PHF20: variants seen among roughly 807,000 people sequenced by gnomAD.
PHF20 encodes PHD finger protein 20.
PHF20 carries 23 observed loss-of-function variants against 113.5 expected under a neutral mutation model. The observed-to-expected ratio is 0.20, with a 90% CI of 0.15 to 0.29. The LOEUF (loss-of-function observed/expected upper bound fraction) is 0.29, where lower values mean the gene tolerates loss of function less well. PHF20 is among the 10% of genes least tolerant of loss of function. The pLI is 1.00. For missense variants in PHF20, 943 were observed against 1,219.6 expected (o/e 0.77, Z 3.38); for synonymous variants, 434 against 457.3 (o/e 0.95, Z 0.65).
intron 1 of PHF20, among the ~76,000 whole-genome samples, chr20:35,779,015 G>GT (rs1282129677): frequency 1.9e-4 from 29 of 151,522 alleles, no homozygotes; most frequent in African/African-American, 6.6e-4. Flanking sequence ...TTAAACAAAG[G>GT]GTTTTTTTTT....
intron 2 of PHF20, among the ~76,000 whole-genome samples, chr20:35,808,845 T>C (rs2041929391): frequency 6.6e-6 from 1 of 151,748 alleles, no homozygotes; most frequent in South Asian, 2.1e-4. Flanking sequence ...GTGCTGGGAT[T>C]ACAGGCGTGA....
intron 10 of PHF20, among the ~76,000 whole-genome samples, chr20:35,900,009 C>A (rs2147058586): frequency 6.6e-6 from 1 of 152,294 alleles, no homozygotes; most frequent in South Asian, 2.1e-4. Context: ...GTTTTCCTTG[C>A]CAGCAGCACA....
At chr20:35,938,674 T>C (rs1233096880) in intron 15 of PHF20, 23 bp from the exon 16 acceptor site, 4 of 1,575,704 alleles carry the variant, frequency 2.5e-6, no homozygotes, top group South Asian at 1.2e-5. Context: ...CCAAAGCCCA[T>C]GTCCTCTTTG....
chr20:35,944,020 T>G (rs1236016479), intron 17 of PHF20, among the ~76,000 whole-genome samples: 6 of 152,226 alleles, frequency 3.9e-5, no homozygotes. Context: ...ATAAAAAATG[T>G]TGCCTTGGTG....
intron 13 of PHF20, among the ~76,000 whole-genome samples, chr20:35,918,939 C>G (rs1195515622): frequency 6.6e-6 from 1 of 152,168 alleles, no homozygotes; most frequent in South Asian, 2.1e-4. Context: ...CAGGCCCAGC[C>G]CCTTTGGCTT....
rs148984372 is a variant in PHF20 at position 35,815,908 on chromosome 20, A to G, written c.83+14303A>G. Reference sequence around the variant, plus strand: ...AAGCAAAATCGTTTTGGAAATACATATATATTCCCCCTCCAGCTTTATTGA... The same window carrying G: ...AAGCAAAATCGTTTTGGAAATACATGTATATTCCCCCTCCAGCTTTATTGA... On this transcript the variant is annotated intron_variant, in intron 2 of 17. Coordinates refer to ENST00000374012, the MANE Select transcript of PHF20 (RefSeq NM_016436.5). Among the ~76,000 whole-genome samples the G allele has an allele frequency of 1.6e-3, 246 of 152,172 alleles. 1 individual carries two copies. Among genetic ancestry groups the G allele is most frequent in the Middle Eastern group, 6.8e-3 (2 of 292 alleles).
intron 15 of PHF20, among the ~76,000 whole-genome samples, chr20:35,934,330 A>AC (rs1360564757): frequency 6.6e-6 from 1 of 151,936 alleles, no homozygotes; most frequent in African/African-American, 2.4e-5. Context: ...TATAACAAGG[A>AC]CCCCCCACAT....
intron 4 of PHF20, among the ~76,000 whole-genome samples, chr20:35,850,070 G>C (rs1168340435): frequency 6.6e-6 from 1 of 152,120 alleles, no homozygotes; most frequent in Admixed American, 6.6e-5. Flanking sequence ...GGCATATAAT[G>C]CCATATTATT....
rs181925877 is a variant in PHF20 at position 35,776,744 on chromosome 20, G to A, written c.-33+4665G>A. ...TGAGTGTCAGATCCTATTCAGTAAC[G>A]GATTTGATCTGGATTTGGCTCTAGT... On this transcript the variant is annotated intron_variant, in intron 1 of 17. Transcript: ENST00000374012. Among the ~76,000 whole-genome samples the A allele has an allele frequency of 1.3e-3, 197 of 152,194 alleles. 1 individual carries two copies. The highest frequency in any genetic ancestry group is 3.4e-3 in the Middle Eastern group (1 of 294).
chr20:35,812,477 C>T (rs191782292), intron 2 of PHF20, among the ~76,000 whole-genome samples: 251 of 152,244 alleles, frequency 1.6e-3, no homozygotes, highest in African/African-American at 5.9e-3. Flanking sequence ...TTAAGAGTTC[C>T]GAACAGTTGT....
chr20:35,926,930 G>A (rs1449674166), intron 13 of PHF20, among the ~76,000 whole-genome samples: 1 of 152,206 alleles, frequency 6.6e-6, no homozygotes, highest in Non-Finnish European at 1.5e-5. Context: ...GGAATTGCTT[G>A]AAGTGCCCTA....
At chr20:35,896,444 C>G (rs147575542) in intron 9 of PHF20, among the ~76,000 whole-genome samples, 1 of 151,982 alleles carries the variant, frequency 6.6e-6, no homozygotes, top group Admixed American at 6.6e-5. Context: ...ATAGGAATGA[C>G]TTAATGTGAT....
chr20:35,793,103 G>C (rs975034647), intron 1 of PHF20, among the ~76,000 whole-genome samples: 5 of 152,098 alleles, frequency 3.3e-5, no homozygotes, highest in African/African-American at 1.2e-4. Flanking sequence ...AATTGTTTAT[G>C]CTTTCTTGGG....
rs535370834 is a variant in PHF20 at position 35,808,422 on chromosome 20, T to G, written c.83+6817T>G. Among the ~76,000 whole-genome samples the G allele has an allele frequency of 5.3e-5, 8 of 152,128 alleles. No individual in the cohort carries two copies. In the South Asian group the frequency reaches 1.2e-3, roughly 24 times the overall value. ...ATGTTTATCATAGGATCATAGTAGATGTGTTTAGTCAGATTAAAGAAGTTC... is the reference window on the plus strand; with the variant it reads ...ATGTTTATCATAGGATCATAGTAGAGGTGTTTAGTCAGATTAAAGAAGTTC... On this transcript the variant is annotated intron_variant, in intron 2 of 17. Transcript: ENST00000374012.
At chr20:35,779,678 C>G (rs1221706526) in intron 1 of PHF20, among the ~76,000 whole-genome samples, 2 of 151,872 alleles carry the variant, frequency 1.3e-5, no homozygotes, top group Non-Finnish European at 2.9e-5. Flanking sequence ...CGCCACCATG[C>G]CTGGGTAATT....
intron 10 of PHF20, among the ~76,000 whole-genome samples, chr20:35,912,357 A>G (rs2055322549): frequency 6.6e-6 from 1 of 152,202 alleles, no homozygotes; most frequent in Non-Finnish European, 1.5e-5. Context: ...GCTTTTTAGA[A>G]TGTAATTAGG....
At chr20:35,791,389 C>G (rs942964863) in intron 1 of PHF20, among the ~76,000 whole-genome samples, 1 of 151,442 alleles carries the variant, frequency 6.6e-6, no homozygotes, top group Non-Finnish European at 1.5e-5. Flanking sequence ...AAGAGGTAGA[C>G]ACTAAATGGG....
intron 3 of PHF20, among the ~76,000 whole-genome samples, chr20:35,844,247 T>C (rs1423395326): frequency 1.3e-5 from 2 of 151,500 alleles, no homozygotes; most frequent in African/African-American, 4.8e-5. Context: ...GGACTACAGG[T>C]GCGTGCCACC....
intron 4 of PHF20, among the ~76,000 whole-genome samples, chr20:35,851,522 G>A (rs976532846): frequency 1.3e-5 from 2 of 152,092 alleles, no homozygotes; most frequent in African/African-American, 4.8e-5. Context: ...ACACGTGCAG[G>A]TGCTAGCTTG....
Sources: allele counts gnomAD v4.1 joint callset (sites outside exome capture counted in the v4.1 genomes callset), GRCh38; gene constraint gnomAD v4.1.1; transcripts MANE v1.5; gene names NCBI Gene and HGNC (gene_info 2026-07-23, HGNC 2026-07-21).